The following TP63 variants were observed in gnomAD, a reference collection of about 807,000 sequenced individuals.
TP63 encodes the protein tumor protein p63.
A neutral mutation model predicts 82.8 loss-of-function variants in TP63; 17 were observed. The observed-to-expected ratio is 0.21, with a 90% CI of 0.14 to 0.31. The LOEUF (loss-of-function observed/expected upper bound fraction) is 0.31. Ranked by LOEUF, TP63 falls within the 10% of genes least tolerant of loss-of-function variation. The pLI, the probability that TP63 is intolerant of heterozygous loss-of-function variation, is 1.00. For synonymous variants in TP63, 330 were observed against 321.7 expected (o/e 1.03, Z -0.28); for missense variants, 648 against 895.3 (o/e 0.72, Z 3.52).
chr3:189,809,784 A>G (rs1577007171), intron 4 of TP63, among the ~76,000 whole-genome samples: 1 of 152,150 alleles, frequency 6.6e-6, no homozygotes, highest in Non-Finnish European at 1.5e-5. Flanking sequence ...TTTCACATCC[A>G]TTTCCTCTTT....
chr3:189,815,295 T>C (rs13091309), intron 4 of TP63, among the ~76,000 whole-genome samples: 13,635 of 152,130 alleles, frequency 0.09, 881 homozygotes, highest in Admixed American at 0.15. Context: ...AACCTTTTCA[T>C]GTAACAAATC....
rs1449159990 is a variant in TP63 at position 189,734,730 on chromosome 3, T to G, written c.63-3010T>G. 2.0e-5 allele frequency among the ~76,000 whole-genome samples: 3 copies of G among 152,104 alleles called. No individual in the cohort carries two copies. The East Asian group carries it at 5.8e-4, about 29-fold the overall frequency. ...TTCTATTTATCTTCTATGAAAACCT[T>G]TATATCTGTACTTAATTTTGCCATC... is the stretch of plus-strand genomic sequence containing the variant. On this transcript the variant is annotated intron_variant, in intron 1 of 13. Coordinates refer to ENST00000264731, the MANE Select transcript of TP63 (RefSeq NM_003722.5).
Position 189,725,320 on chromosome 3 carries a change from G to A in TP63, c.63-12420G>A, listed in dbSNP as rs537314893. Among the ~76,000 whole-genome samples, 4 of 152,072 alleles carry A rather than the reference G, an allele frequency of 2.6e-5. No homozygotes were observed. The East Asian group carries it at 7.7e-4, about 29-fold the overall frequency. On this transcript the variant is annotated intron_variant, in intron 1 of 13. Transcript: ENST00000264731. Reference sequence around the variant, plus strand: ...CCCTGTAAAGTCCACTTTCAAATAGGGTTAAAGCATAATCGACAGAAAATT... The same window carrying A: ...CCCTGTAAAGTCCACTTTCAAATAGAGTTAAAGCATAATCGACAGAAAATT...
chr3:189,739,479 C>T (rs747146655), intron 3 of TP63, among the ~76,000 whole-genome samples: 5 of 152,174 alleles, frequency 3.3e-5, no homozygotes, highest in Non-Finnish European at 7.3e-5. Context: ...AACAACTTCT[C>T]TATCCTTCTT....
chr3:189,706,225 C>T (rs530923588), intron 1 of TP63, among the ~76,000 whole-genome samples: 2 of 152,148 alleles, frequency 1.3e-5, no homozygotes, highest in East Asian at 3.9e-4. Context: ...AATCAGCTTG[C>T]CATTGTGAAC....
intron 3 of TP63, among the ~76,000 whole-genome samples, chr3:189,799,485 C>A (rs1338383433): frequency 6.6e-6 from 1 of 151,890 alleles, no homozygotes; most frequent in Non-Finnish European, 1.5e-5. Flanking sequence ...TAGGTGCATT[C>A]GAAACAAAAC....
chr3:189,840,298 T>C (rs1713797668), intron 4 of TP63, among the ~76,000 whole-genome samples: 1 of 151,016 alleles, frequency 6.6e-6, no homozygotes, highest in Non-Finnish European at 1.5e-5. Context: ...TTGCTCCAAT[T>C]GGAGGATGTA....
At chr3:189,875,841 G>A (rs199682363) in intron 10 of TP63, among the ~76,000 whole-genome samples, 1 of 13,450 alleles carries the variant, frequency 7.4e-5, no homozygotes, top group African/African-American at 4.4e-4. Context: ...CTAATAAAAA[G>A]CAACACCAGC....
intron 10 of TP63, among the ~76,000 whole-genome samples, chr3:189,875,618 A>ATATATATATATATATATACG (rs1337357288): frequency 1.1e-4 from 13 of 118,432 alleles, no homozygotes; most frequent in African/African-American, 4.2e-4. Context: ...ATATATATAT[A>ATATATATATATATATATACG]TATATATATA....
At chr3:189,650,335 T>C (rs1378649444) in intron 1 of TP63, among the ~76,000 whole-genome samples, 1 of 147,198 alleles carries the variant, frequency 6.8e-6, no homozygotes, top group Non-Finnish European at 1.5e-5. Flanking sequence ...CAATAAGAAA[T>C]GTAATTTATC....
At chr3:189,868,079 A>G in intron 7 of TP63, 137 bp downstream of exon 7, 1 of 770,534 alleles carries the variant, frequency 1.3e-6, no homozygotes, top group Non-Finnish European at 2.3e-6. Context: ...CCTTGCTACA[A>G]ACGGTTACAT....
At chr3:189,689,710 C>T (rs937210650) in intron 1 of TP63, among the ~76,000 whole-genome samples, 3 of 152,130 alleles carry the variant, frequency 2.0e-5, no homozygotes, top group Non-Finnish European at 4.4e-5. Context: ...GATTACTGCT[C>T]ATTGTGGCAG....
At chr3:189,672,744 G>C (rs1483350318) in intron 1 of TP63, among the ~76,000 whole-genome samples, 1 of 151,662 alleles carries the variant, frequency 6.6e-6, no homozygotes, top group Non-Finnish European at 1.5e-5. Flanking sequence ...AAGAAGAAGA[G>C]ATTAAGACCT....
chr3:189,868,801 A>G, intron 8 of TP63, 85 bp downstream of exon 8: 6 of 1,607,412 alleles, frequency 3.7e-6, no homozygotes, highest in South Asian at 1.1e-5. Context: ...AAGCTGCATG[A>G]TAAGACCTGT....
chr3:189,698,405 C>G (rs1423716793), intron 1 of TP63, among the ~76,000 whole-genome samples: 2 of 151,966 alleles, frequency 1.3e-5, no homozygotes, highest in Non-Finnish European at 2.9e-5. Flanking sequence ...TCTTATTTTT[C>G]TCAGTTTCTT....
At chr3:189,848,500 T>C (rs1715225346) in intron 4 of TP63, among the ~76,000 whole-genome samples, 1 of 152,060 alleles carries the variant, frequency 6.6e-6, no homozygotes, top group Non-Finnish European at 1.5e-5. Context: ...ATGACAGGCA[T>C]GAGCCACTGA....
chr3:189,887,600 T>C (rs1478879649), intron 11 of TP63, among the ~76,000 whole-genome samples: 1 of 151,980 alleles, frequency 6.6e-6, no homozygotes. Context: ...ATACACAAAC[T>C]TGAAGGAAAA....
chr3:189,748,507 A>G (rs71308974), intron 3 of TP63, among the ~76,000 whole-genome samples: 13 of 122,898 alleles, frequency 1.1e-4, no homozygotes, highest in African/African-American at 4.0e-4. Context: ...AAGGAAAACT[A>G]CAAAAAAAAA....
rs867895998 is a variant in TP63 at position 189,875,426 on chromosome 3, C to A, written c.1349+2431C>A. ...ACTAAAAATACAAAAATTAGCTGGGCAAGGTGGCACGCACCTGTAGTCCCA... is the reference window on the plus strand; with the variant it reads ...ACTAAAAATACAAAAATTAGCTGGGAAAGGTGGCACGCACCTGTAGTCCCA... On this transcript the variant is annotated intron_variant, in intron 10 of 13. Transcript: ENST00000264731. Among the ~76,000 whole-genome samples the A allele has an allele frequency of 1.6e-4, 24 of 150,594 alleles. 1 individual carries two copies. Among genetic ancestry groups the A allele is most frequent in the Middle Eastern group, 6.8e-3 (2 of 294 alleles).
Sources: gnomAD v4.1 joint callset for allele counts (sites outside exome capture counted in the v4.1 genomes callset) on GRCh38, gnomAD v4.1.1 for gene constraint, MANE v1.5 for transcripts, NCBI Gene and HGNC (gene_info 2026-07-23, HGNC 2026-07-21) for gene names.